The following EPHA6 variants were observed in gnomAD, a reference collection of about 807,000 sequenced individuals.
EPHA6 encodes ephrin type-A receptor 6.
EPHA6 carries 50 observed loss-of-function variants against 112.0 expected under a neutral mutation model. The observed-to-expected ratio is 0.45, with a 90% CI of 0.36 to 0.56. The LOEUF (loss-of-function observed/expected upper bound fraction) is 0.56, where lower values mean the gene tolerates loss of function less well. EPHA6 is among the 20% of genes least tolerant of loss of function. EPHA6 has a pLI of 0.00. For synonymous variants in EPHA6, 529 were observed against 490.7 expected (o/e 1.08, Z -1.03); for missense variants, 1,280 against 1,417.4 (o/e 0.90, Z 1.56).
intron 5 of EPHA6, among the ~76,000 whole-genome samples, chr3:97,260,132 A>G (rs1172126002): frequency 2.0e-5 from 3 of 152,214 alleles, no homozygotes; most frequent in African/African-American, 7.2e-5. Flanking sequence ...ATGTTAAATT[A>G]TAAGATACAA....
intron 12 of EPHA6, among the ~76,000 whole-genome samples, chr3:97,600,718 G>T (rs1258612616): frequency 2.6e-5 from 4 of 151,566 alleles, no homozygotes; most frequent in Admixed American, 6.6e-5. Flanking sequence ...AAGAACCCCT[G>T]GTTCTAAAGA....
chr3:97,347,965 T>TA (rs1397528993), intron 5 of EPHA6, among the ~76,000 whole-genome samples: 1 of 152,146 alleles, frequency 6.6e-6, no homozygotes, highest in Non-Finnish European at 1.5e-5. Flanking sequence ...TCTGATTTTC[T>TA]AAAAATTTAC....
intron 3 of EPHA6, among the ~76,000 whole-genome samples, chr3:97,154,531 A>G (rs1009846190): frequency 6.6e-6 from 1 of 152,178 alleles, no homozygotes; most frequent in Non-Finnish European, 1.5e-5. Flanking sequence ...TATACATTAC[A>G]TTATTAGTAA....
At chr3:96,930,594 G>C (rs2040262702) in intron 2 of EPHA6, among the ~76,000 whole-genome samples, 1 of 152,132 alleles carries the variant, frequency 6.6e-6, no homozygotes, top group Admixed American at 6.5e-5. Flanking sequence ...TCCCAGGGGA[G>C]TACTAATTCA....
At chr3:96,967,264 ATT>A (rs2042156437) in intron 2 of EPHA6, among the ~76,000 whole-genome samples, 1 of 149,888 alleles carries the variant, frequency 6.7e-6, no homozygotes, top group Non-Finnish European at 1.5e-5. Context: ...GATGATATAT[ATT>A]ATATACAACT....
chr3:97,226,557 G>T, intron 4 of EPHA6, 138 bp downstream of exon 4: 2 of 788,214 alleles, frequency 2.5e-6, no homozygotes, highest in East Asian at 2.6e-5. Context: ...CAAGGAAAAA[G>T]CTTCTCTCTC....
At chr3:97,131,866 T>C (rs1389364413) in intron 3 of EPHA6, among the ~76,000 whole-genome samples, 3 of 152,172 alleles carry the variant, frequency 2.0e-5, no homozygotes, top group African/African-American at 7.2e-5. Context: ...AAGTCAGCCA[T>C]AGCAGGCAAA....
chr3:97,400,138 T>A (rs2109102401), intron 5 of EPHA6, among the ~76,000 whole-genome samples: 2 of 151,810 alleles, frequency 1.3e-5, no homozygotes, highest in East Asian at 3.9e-4. Context: ...GATAGGTATC[T>A]AGTTTCATTT....
intron 1 of EPHA6, among the ~76,000 whole-genome samples, chr3:96,845,413 C>T (rs564505797): frequency 1.3e-5 from 2 of 152,034 alleles, no homozygotes; most frequent in African/African-American, 4.8e-5. Flanking sequence ...CTATCCTATC[C>T]AGCTAGAAAT....
chr3:97,163,584 A>G (rs539286769), intron 3 of EPHA6, among the ~76,000 whole-genome samples: 17 of 152,268 alleles, frequency 1.1e-4, no homozygotes, highest in Middle Eastern at 3.4e-3. Flanking sequence ...TTATAGGTCT[A>G]GAAGTAAAGA....
At chr3:97,579,027 G>A (rs1198175804) in intron 11 of EPHA6, among the ~76,000 whole-genome samples, 2 of 152,096 alleles carry the variant, frequency 1.3e-5, no homozygotes, top group African/African-American at 4.8e-5. Context: ...CGACAAGCCT[G>A]TTCCACTATC....
chr3:97,019,480 G>A (rs1358218706), intron 3 of EPHA6, among the ~76,000 whole-genome samples: 1 of 152,058 alleles, frequency 6.6e-6, no homozygotes, highest in Non-Finnish European at 1.5e-5. Flanking sequence ...TTCACGGCTG[G>A]AGCTGTGACT....
intron 6 of EPHA6, chr3:97,439,725 C>A: frequency 1.7e-6 from 1 of 603,552 alleles, no homozygotes; most frequent in Non-Finnish European, 2.1e-6. Context: ...GGTTCATTTA[C>A]TTAGGAAAAG....
At chr3:97,397,218 T>C (rs1354622837) in intron 5 of EPHA6, among the ~76,000 whole-genome samples, 4 of 151,774 alleles carry the variant, frequency 2.6e-5, no homozygotes, top group Non-Finnish European at 5.9e-5. Context: ...TTTTATTTTC[T>C]TGCTTTTTTT....
intron 3 of EPHA6, among the ~76,000 whole-genome samples, chr3:97,188,837 G>A (rs190102024): frequency 6.6e-6 from 1 of 151,652 alleles, no homozygotes; most frequent in Non-Finnish European, 1.5e-5. Context: ...ATATACATAT[G>A]TTTATAAAAG....
At chr3:96,899,893 GA>G (rs1240114887) in intron 2 of EPHA6, among the ~76,000 whole-genome samples, 27 of 151,898 alleles carry the variant, frequency 1.8e-4, no homozygotes, top group Admixed American at 1.8e-3. Context: ...CTTTAGATGT[GA>G]CCTCTAACAG....
intron 6 of EPHA6, among the ~76,000 whole-genome samples, chr3:97,435,758 T>C (rs2089795547): frequency 6.6e-6 from 1 of 152,192 alleles, no homozygotes; most frequent in African/African-American, 2.4e-5. Context: ...TTTTTCTTTC[T>C]TTCCAATTTG....
At chr3:97,378,985 G>A (rs2085551267) in intron 5 of EPHA6, among the ~76,000 whole-genome samples, 1 of 152,130 alleles carries the variant, frequency 6.6e-6, no homozygotes, top group African/African-American at 2.4e-5. Flanking sequence ...GTGAGGACAT[G>A]AGATCTGGAG....
chr3:96,846,723 T>C (rs758546990), intron 1 of EPHA6, among the ~76,000 whole-genome samples: 39 of 152,068 alleles, frequency 2.6e-4, no homozygotes, highest in Non-Finnish European at 5.1e-4. Flanking sequence ...GACTATTTAC[T>C]GGGTGTATTT....
Sources: gnomAD v4.1 joint callset for allele counts (sites outside exome capture counted in the v4.1 genomes callset) on GRCh38, gnomAD v4.1.1 for gene constraint, MANE v1.5 for transcripts, NCBI Gene and HGNC (gene_info 2026-07-23, HGNC 2026-07-21) for gene names.